The following SCFD2 variants were observed in gnomAD, a reference collection of about 807,000 sequenced individuals.
The protein encoded by SCFD2 is sec1 family domain containing 2.
In SCFD2, 54 loss-of-function variants were observed where a neutral mutation model predicts 58.9. The observed-to-expected ratio is 0.92, with a 90% CI of 0.74 to 1.15. The LOEUF is 1.15. Ranked by LOEUF, SCFD2 falls within the 50% of genes most tolerant of loss-of-function variation. SCFD2 has a pLI of 0.00. For synonymous variants in SCFD2, 321 were observed against 335.9 expected (o/e 0.96, Z 0.49); for missense variants, 805 against 836.6 (o/e 0.96, Z 0.47).
chr4:52,934,032 C>T (rs1445845735), intron 5 of SCFD2, among the ~76,000 whole-genome samples: 1 of 152,104 alleles, frequency 6.6e-6, no homozygotes, highest in Non-Finnish European at 1.5e-5. Flanking sequence ...AATTTCCAGT[C>T]TTCAGAACCA....
chr4:53,202,909 G>A (rs1728294662), intron 4 of SCFD2, among the ~76,000 whole-genome samples: 1 of 152,218 alleles, frequency 6.6e-6, no homozygotes, highest in Non-Finnish European at 1.5e-5. Context: ...TTGCCTATCA[G>A]CTGAAGGAGA....
At chr4:52,989,307 AG>A (rs1248517118) in intron 5 of SCFD2, among the ~76,000 whole-genome samples, 1 of 152,244 alleles carries the variant, frequency 6.6e-6, no homozygotes, top group African/African-American at 2.4e-5. Flanking sequence ...TTTCTCCTAA[AG>A]GGATGTTATA....
At chr4:53,104,266 C>T (rs548450316) in intron 5 of SCFD2, among the ~76,000 whole-genome samples, 212 of 152,194 alleles carry the variant, frequency 1.4e-3, no homozygotes, top group Non-Finnish European at 2.3e-3. Context: ...ACTCTTGATA[C>T]GATGTAATGA....
intron 5 of SCFD2, among the ~76,000 whole-genome samples, chr4:53,022,743 T>C (rs1442364214): frequency 6.6e-6 from 1 of 152,202 alleles, no homozygotes; most frequent in Non-Finnish European, 1.5e-5. Flanking sequence ...AAGAGGCTGG[T>C]TGGTTGGCTA....
chr4:53,232,877 G>C (rs751132999), intron 4 of SCFD2, among the ~76,000 whole-genome samples: 12 of 152,136 alleles, frequency 7.9e-5, no homozygotes, highest in Non-Finnish European at 1.8e-4. Flanking sequence ...TAACTTCAAA[G>C]TAAAGAATGA....
At chr4:52,972,449 T>C (rs1721130977) in intron 5 of SCFD2, among the ~76,000 whole-genome samples, 2 of 152,198 alleles carry the variant, frequency 1.3e-5, no homozygotes, top group South Asian at 4.1e-4. Flanking sequence ...AAGGGATCAA[T>C]GCAACAAGAA....
intron 5 of SCFD2, among the ~76,000 whole-genome samples, chr4:52,942,717 T>A (rs1388526748): frequency 6.6e-6 from 1 of 152,128 alleles, no homozygotes; most frequent in African/African-American, 2.4e-5. Context: ...ATGAATGACA[T>A]CTCAGGAGGA....
chr4:53,213,388 T>C (rs1329980161), intron 4 of SCFD2, among the ~76,000 whole-genome samples: 1 of 152,076 alleles, frequency 6.6e-6, no homozygotes, highest in South Asian at 2.1e-4. Context: ...GCGTCTGACT[T>C]GATTCATTTC....
chr4:52,975,016 A>C (rs1417219522), intron 5 of SCFD2, among the ~76,000 whole-genome samples: 2 of 152,208 alleles, frequency 1.3e-5, no homozygotes, highest in African/African-American at 4.8e-5. Context: ...TACAAAAATT[A>C]ATTCAAGATG....
intron 5 of SCFD2, among the ~76,000 whole-genome samples, chr4:52,967,756 A>G (rs192158676): frequency 2.0e-3 from 301 of 152,226 alleles, no homozygotes; most frequent in African/African-American, 6.1e-3. Flanking sequence ...TGGTGGTACC[A>G]GTGTTTTCTG....
At chr4:53,104,380 TA>T in intron 5 of SCFD2, among the ~76,000 whole-genome samples, 1 of 152,256 alleles carries the variant, frequency 6.6e-6, no homozygotes, top group Admixed American at 6.5e-5. Flanking sequence ...TACAAAATGC[TA>T]AATAGTGTTC....
chr4:53,023,801 G>A (rs1399265711), intron 5 of SCFD2, among the ~76,000 whole-genome samples: 2 of 152,134 alleles, frequency 1.3e-5, no homozygotes, highest in Admixed American at 6.5e-5. Context: ...TAGTCTCAGA[G>A]GTTTCTAGAC....
intron 5 of SCFD2, among the ~76,000 whole-genome samples, chr4:53,099,709 C>A (rs1023209410): frequency 1.3e-5 from 2 of 152,136 alleles, no homozygotes; most frequent in African/African-American, 4.8e-5. Context: ...AGTACTTACT[C>A]CCCCTACCCA....
chr4:53,334,097 A>G (rs1438424065), intron 2 of SCFD2, among the ~76,000 whole-genome samples: 2 of 152,196 alleles, frequency 1.3e-5, no homozygotes, highest in Non-Finnish European at 2.9e-5. Flanking sequence ...AAAATCAGGA[A>G]ACAACACGTG....
intron 4 of SCFD2, among the ~76,000 whole-genome samples, chr4:53,272,823 G>A (rs1336350067): frequency 6.6e-6 from 1 of 152,018 alleles, no homozygotes; most frequent in Admixed American, 6.6e-5. Flanking sequence ...CCTGCACGTT[G>A]TGCACATGTA....
chr4:53,247,075 A>G (rs1056277462), intron 4 of SCFD2, among the ~76,000 whole-genome samples: 2 of 152,092 alleles, frequency 1.3e-5, no homozygotes, highest in Non-Finnish European at 2.9e-5. Context: ...GAGAATTAAA[A>G]AAACAAAAGT....
rs556543845 is a variant in SCFD2, at chr4:53,330,662, C to A, written c.1008-16899G>T. On this transcript the variant is annotated intron_variant, in intron 2 of 8. Coordinates refer to ENST00000401642, the MANE Select transcript of SCFD2 (RefSeq NM_152540.4). ...AATCATGCCAAAATGTAAAGACCAT[C>A]GAGACTAGGAAGAAACTGCATCAAC... is the stretch of plus-strand genomic sequence containing the variant. 5.4e-4 allele frequency among the ~76,000 whole-genome samples: 82 copies of A among 152,026 alleles called. No homozygotes were observed. The South Asian group carries it at 0.012, about 22-fold the overall frequency.
At chr4:53,039,756 C>T (rs573210565) in intron 5 of SCFD2, among the ~76,000 whole-genome samples, 1 of 152,190 alleles carries the variant, frequency 6.6e-6, no homozygotes, top group Non-Finnish European at 1.5e-5. Context: ...AGACCACATT[C>T]TGATTCCATT....
At chr4:53,164,197 TAG>T (rs1413499859) in intron 4 of SCFD2, among the ~76,000 whole-genome samples, 1 of 152,152 alleles carries the variant, frequency 6.6e-6, no homozygotes, top group African/African-American at 2.4e-5. Flanking sequence ...TCTATTTATT[TAG>T]AGAGAGGCCT....
Sources: allele counts gnomAD v4.1 joint callset (sites outside exome capture counted in the v4.1 genomes callset), GRCh38; gene constraint gnomAD v4.1.1; transcripts MANE v1.5; gene names NCBI Gene and HGNC (gene_info 2026-07-23, HGNC 2026-07-21).